The following AGTPBP1 variants were observed in gnomAD, a reference collection of about 807,000 sequenced individuals.
AGTPBP1 encodes the protein cytosolic carboxypeptidase 1.
A neutral mutation model predicts 143.9 loss-of-function variants in AGTPBP1; 70 were observed. That is an observed-to-expected ratio of 0.49 (90% CI 0.40 to 0.59). The LOEUF (loss-of-function observed/expected upper bound fraction) is 0.59, where lower values mean the gene tolerates loss of function less well. AGTPBP1 is among the 20% of genes least tolerant of loss of function. AGTPBP1 has a pLI of 0.00. For missense variants in AGTPBP1, 1,229 were observed against 1,464.5 expected (o/e 0.84, Z 2.62); for synonymous variants, 463 against 500.2 (o/e 0.93, Z 0.99).
intron 3 of AGTPBP1, among the ~76,000 whole-genome samples, chr9:85,684,936 T>C (rs952639933): frequency 2.7e-5 from 4 of 149,410 alleles, no homozygotes; most frequent in Non-Finnish European, 6.0e-5. Flanking sequence ...AGCAGAGAAA[T>C]AGAAACTACA....
the AGTPBP1 span, among the ~76,000 whole-genome samples, chr9:85,760,469 G>A: frequency 0.015 from 2,346 of 152,174 alleles, 61 homozygotes; most frequent in African/African-American, 0.053. Flanking sequence ...TTCAACATAC[G>A]CAAATCAATA....
intron 17 of AGTPBP1, among the ~76,000 whole-genome samples, chr9:85,610,305 G>T (rs74390215): frequency 5.3e-5 from 8 of 152,104 alleles, no homozygotes; most frequent in South Asian, 4.2e-4. Context: ...CCAAGTAATG[G>T]GGGGGTAAGA....
the AGTPBP1 span, chr9:85,786,274 C>A: frequency 4.4e-6 from 7 of 1,596,496 alleles, no homozygotes; most frequent in East Asian, 6.7e-5. Flanking sequence ...GGAAGATATC[C>A]CAGAATTACC....
chr9:85,742,098 T>C, upstream of AGTPBP1: 3 of 1,030,852 alleles, frequency 2.9e-6, no homozygotes, highest in Non-Finnish European at 2.4e-6. Flanking sequence ...TCCCGCCGCG[T>C]CCCTTGTTAC....
At chr9:85,670,524 C>A (rs1360512986) in intron 7 of AGTPBP1, among the ~76,000 whole-genome samples, 3 of 152,060 alleles carry the variant, frequency 2.0e-5, no homozygotes, top group Non-Finnish European at 4.4e-5. Flanking sequence ...AATTACCTAA[C>A]CAGAAAACTG....
chr9:85,591,416 G>C (rs970743366), intron 19 of AGTPBP1, among the ~76,000 whole-genome samples: 1 of 152,088 alleles, frequency 6.6e-6, no homozygotes, highest in Non-Finnish European at 1.5e-5. Context: ...GTTACAAAGA[G>C]GTTGGCAGAA....
In AGTPBP1 at chr9:85,632,974, G is replaced by C; in HGVS notation, c.1703C>G (p.Ala568Gly). 6.2e-7 allele frequency: 1 copy of C among 1,614,118 alleles called. No homozygotes were observed. Among genetic ancestry groups the C allele is most frequent in the Non-Finnish European group, 8.5e-7 (1 of 1,180,018 alleles). ...AGTAGCCATGTGTGGACATGCTTTA[G>C]CACAGGTAAGGACAGTAAGAGGAAG... ...CSLPLTVLTC[A>G]KACPHMATCG... Residue 568 changes from alanine (A) to glycine (G), a missense_variant, in exon 14 of 26, where the codon GCT becomes GGT. Ala to Gly is a moderately conservative substitution (Grantham distance 60). Coordinates refer to ENST00000357081, the MANE Select transcript of AGTPBP1 (RefSeq NM_001330701.2).
the AGTPBP1 span, chr9:85,787,743 C>G: frequency 6.6e-6 from 1 of 152,216 alleles, no homozygotes; most frequent in Non-Finnish European, 1.5e-5. Flanking sequence ...TTCCAAAACA[C>G]TTGTAAACCG....
At chr9:85,760,549 G>A in the AGTPBP1 span, among the ~76,000 whole-genome samples, 2 of 152,146 alleles carry the variant, frequency 1.3e-5, no homozygotes, top group Admixed American at 6.5e-5. Flanking sequence ...TGCAGAAAAG[G>A]CCTTTGACAA....
intron 25 of AGTPBP1, among the ~76,000 whole-genome samples, chr9:85,574,509 C>A (rs1197404544): frequency 1.3e-5 from 2 of 151,288 alleles, no homozygotes; most frequent in African/African-American, 2.4e-5. Flanking sequence ...TATCTCTGAG[C>A]CTACAGCTTA....
chr9:85,596,266 A>G, intron 18 of AGTPBP1, 96 bp downstream of exon 18: 3 of 811,106 alleles, frequency 3.7e-6, no homozygotes, highest in Non-Finnish European at 3.8e-6. Context: ...AAAGTATGCA[A>G]TAATAACTCT....
At chr9:85,661,022 A>T in intron 8 of AGTPBP1, 49 bp from the exon 9 acceptor site, 1 of 1,445,560 alleles carries the variant, frequency 6.9e-7, no homozygotes, top group Non-Finnish European at 9.5e-7. Flanking sequence ...TAGTAAAATT[A>T]ATCTACAATA....
the AGTPBP1 span, among the ~76,000 whole-genome samples, chr9:85,765,395 A>G: frequency 6.6e-6 from 1 of 152,330 alleles, no homozygotes; most frequent in Admixed American, 6.5e-5. Context: ...TGTCCATACT[A>G]TGTCCAGCCA....
At chr9:85,635,656 T>C (rs1831988769) in intron 13 of AGTPBP1, among the ~76,000 whole-genome samples, 1 of 152,124 alleles carries the variant, frequency 6.6e-6, no homozygotes, top group African/African-American at 2.4e-5. Context: ...ACCTTTCACT[T>C]TGAAAACATT....
intron 12 of AGTPBP1, among the ~76,000 whole-genome samples, chr9:85,644,917 T>C (rs1384845110): frequency 6.6e-6 from 1 of 151,964 alleles, no homozygotes; most frequent in African/African-American, 2.4e-5. Context: ...CAGGCAGCAG[T>C]AGGAAAGAAA....
At chr9:85,747,781 C>T in the AGTPBP1 span, among the ~76,000 whole-genome samples, 1 of 152,018 alleles carries the variant, frequency 6.6e-6, no homozygotes, top group African/African-American at 2.4e-5. Context: ...CCATGAGGAA[C>T]TCCCATATTT....
intron 13 of AGTPBP1, among the ~76,000 whole-genome samples, chr9:85,636,759 C>T (rs1035985975): frequency 1.3e-5 from 2 of 152,018 alleles, no homozygotes; most frequent in East Asian, 1.9e-4. Flanking sequence ...AAAAACAAAA[C>T]GCAGTAACTG....
chr9:85,762,695 C>CATGTAT, the AGTPBP1 span, among the ~76,000 whole-genome samples: 1 of 151,300 alleles, frequency 6.6e-6, no homozygotes, highest in Non-Finnish European at 1.5e-5. Context: ...GGGTGCAGCA[C>CATGTAT]ACCAACATGG....
chr9:85,771,295 T>G, the AGTPBP1 span, among the ~76,000 whole-genome samples: 38 of 152,144 alleles, frequency 2.5e-4, 1 homozygote, highest in Middle Eastern at 3.4e-3. Flanking sequence ...AGCCCAGAAT[T>G]TGAGATCCTA....
Sources: allele counts gnomAD v4.1 joint callset (sites outside exome capture counted in the v4.1 genomes callset), GRCh38; gene constraint gnomAD v4.1.1; transcripts MANE v1.5; gene names NCBI Gene and HGNC (gene_info 2026-07-23, HGNC 2026-07-21).